SNX9: variants seen among roughly 807,000 people sequenced by gnomAD.
The protein encoded by SNX9 is sorting nexin 9, also known as sorting nexin-9.
SNX9 carries 44 observed loss-of-function variants against 89.4 expected under a neutral mutation model. That is an observed-to-expected ratio of 0.49 (90% confidence interval 0.39 to 0.63). The LOEUF (loss-of-function observed/expected upper bound fraction) is 0.63, where lower values mean the gene tolerates loss of function less well. SNX9 is among the 30% of genes least tolerant of loss of function. The probability of loss-of-function intolerance (pLI) is 0.00; values close to 1 mark genes in which losing one functional copy is unlikely to be tolerated. For synonymous variants in SNX9, 236 were observed against 247.8 expected, an observed-to-expected ratio of 0.95 and a Z score of 0.45; for missense variants, 578 against 736.1, an observed-to-expected ratio of 0.79 and a Z score of 2.49.
At position 157,901,933 on chromosome 6, in the gene SNX9, G is replaced by A. The variant is rs760959192; in HGVS notation, c.508G>A (p.Asp170Asn). The A allele has an allele frequency of 1.2e-6, 2 of 1,612,490 alleles. No homozygotes were observed. Among genetic ancestry groups the A allele is most frequent in the Middle Eastern group, 1.7e-4 (1 of 6,058 alleles). Reference protein sequence around the residue: ...GDDDDWDEDWDGPKSSSYFKD... With the variant: ...GDDDDWDEDWNGPKSSSYFKD... Reference sequence around the variant, plus strand: ...TGATGATGACTGGGATGAAGACTGGGATGGGCCCAAATCCTCTTCCTACTT... The same window carrying A: ...TGATGATGACTGGGATGAAGACTGGAATGGGCCCAAATCCTCTTCCTACTT... Residue 170 changes from aspartate (D) to asparagine (N), a missense_variant, in exon 6 of 18, where the codon GAT becomes AAT. Physicochemically the swap from Asp to Asn is conservative, Grantham distance 23. Coordinates refer to ENST00000392185, the MANE Select transcript of SNX9 (RefSeq NM_016224.5).
rs1156313596 is a variant in SNX9, at chr6:157,823,293, G to T, written c.-142G>T. 6 of 619,022 alleles carry T rather than the reference G, an allele frequency of 9.7e-6. No individual in the cohort carries two copies. The highest frequency in any genetic ancestry group is 6.5e-6 in the Non-Finnish European group (3 of 459,994). The allele number at this position is 619,022 out of a possible 1,614,324, so 38.3% of individuals were successfully genotyped here. ...GCTGGGCCTGAGCGTCGAGACTCGG[G>T]GCCGAGGCGGAGGAGCGGCCGCCGC... On this transcript the variant is annotated 5_prime_UTR_variant, in exon 1 of 18. Coordinates refer to ENST00000392185, the MANE Select transcript of SNX9 (RefSeq NM_016224.5). This position sits in a 1 kb window ranked among gnomAD's most constrained non-coding sequence, Gnocchi z 4.6.
chr6:157,899,733 C>T (rs988084210), intron 5 of SNX9, among the ~76,000 whole-genome samples: 12 of 152,010 alleles, frequency 7.9e-5, no homozygotes, highest in African/African-American at 2.2e-4. Flanking sequence ...AAGATTGCGC[C>T]ACTGCACTCC....
intron 1 of SNX9, among the ~76,000 whole-genome samples, chr6:157,844,452 G>A (rs1781760516): frequency 1.3e-5 from 2 of 151,020 alleles, no homozygotes; most frequent in Non-Finnish European, 2.9e-5. Context: ...GGTGGTGCCA[G>A]CTGATCCATC....
At chr6:157,889,391 A>G in intron 4 of SNX9, among the ~76,000 whole-genome samples, 1 of 146,912 alleles carries the variant, frequency 6.8e-6, no homozygotes, top group Non-Finnish European at 1.5e-5. Flanking sequence ...AGATCACACC[A>G]CTGTACTCCA....
At chr6:157,928,788 T>C (rs1783748721) in intron 12 of SNX9, 86 bp downstream of exon 12, 1 of 1,022,758 alleles carries the variant, frequency 9.8e-7, no homozygotes, top group Admixed American at 3.3e-5. Context: ...GGGAACCTGC[T>C]GCCTCGAACA....
chr6:157,866,136 G>T (rs1014887567), intron 1 of SNX9, among the ~76,000 whole-genome samples: 4 of 152,186 alleles, frequency 2.6e-5, no homozygotes, highest in Non-Finnish European at 5.9e-5. Flanking sequence ...TTACCACGGT[G>T]ATTCTCTCTT....
At chr6:157,915,640 A>AAAATATATATATATAT (rs1472422303) in intron 9 of SNX9, among the ~76,000 whole-genome samples, 163 of 94,878 alleles carry the variant, frequency 1.7e-3, no homozygotes, top group African/African-American at 4.5e-3. Context: ...AAAAAAAAAA[A>AAAATATATATATATAT]ATATATATAT....
At chr6:157,853,428 CTTTGTGGTT>C (rs1404498555) in intron 1 of SNX9, among the ~76,000 whole-genome samples, 1 of 151,898 alleles carries the variant, frequency 6.6e-6, no homozygotes, top group Non-Finnish European at 1.5e-5. Flanking sequence ...GTGTGGTTTT[CTTTGTGGTT>C]TTTTTCCTGT....
chr6:157,837,734 C>T (rs1781613833), intron 1 of SNX9, among the ~76,000 whole-genome samples: 1 of 152,194 alleles, frequency 6.6e-6, no homozygotes, highest in African/African-American at 2.4e-5. Flanking sequence ...CATGGGCATG[C>T]TGTCTGTGTT....
rs546525189 is a variant in SNX9 at position 157,928,962 on chromosome 6, T to C, written c.1288+260T>C. 1.2e-4 allele frequency among the ~76,000 whole-genome samples: 18 copies of C among 152,298 alleles called. 1 individual carries two copies. Among genetic ancestry groups the C allele is most frequent in the African/African-American group, 4.1e-4 (17 of 41,558 alleles). ...GTTCCAGTAATTTGGGGCTTTATAA[T>C]CTTTGGAAAATTAATCATTTTTGCA... On this transcript the variant is annotated intron_variant, in intron 12 of 17. Coordinates refer to ENST00000392185, the MANE Select transcript of SNX9 (RefSeq NM_016224.5).
chr6:157,937,586 A>T, intron 15 of SNX9, 63 bp downstream of exon 15: 1 of 1,091,730 alleles, frequency 9.2e-7, no homozygotes, highest in Non-Finnish European at 1.4e-6. Context: ...TGTGCGCAGT[A>T]GTCAGTATTG....
At chr6:157,878,295 G>A (rs559896644) in intron 4 of SNX9, among the ~76,000 whole-genome samples, 1 of 152,316 alleles carries the variant, frequency 6.6e-6, no homozygotes, top group South Asian at 2.1e-4. Flanking sequence ...TTGTCAGTGT[G>A]AAAGGAATAT....
chr6:157,841,563 G>C (rs542759262), intron 1 of SNX9, among the ~76,000 whole-genome samples: 1 of 152,166 alleles, frequency 6.6e-6, no homozygotes, highest in Non-Finnish European at 1.5e-5. Flanking sequence ...CAGCCCATGT[G>C]GGGTGTGGGG....
chr6:157,941,439 A>G (rs1784033859), intron 17 of SNX9, among the ~76,000 whole-genome samples: 1 of 152,236 alleles, frequency 6.6e-6, no homozygotes, highest in Non-Finnish European at 1.5e-5. Flanking sequence ...AGAGAAAACC[A>G]AAAAAGCGAG....
At chr6:157,926,240 G>A (rs1055308450) in intron 10 of SNX9, among the ~76,000 whole-genome samples, 4 of 152,166 alleles carry the variant, frequency 2.6e-5, no homozygotes, top group African/African-American at 9.7e-5. Flanking sequence ...AGTGTTTGGG[G>A]AAAGGACAAT....
At chr6:157,828,732 C>T (rs113205294) in intron 1 of SNX9, among the ~76,000 whole-genome samples, 10 of 152,220 alleles carry the variant, frequency 6.6e-5, no homozygotes, top group African/African-American at 1.4e-4. Flanking sequence ...TCCTCAGCCC[C>T]GCAAAGTATT....
At position 157,892,475 on chromosome 6, in the gene SNX9, GA is replaced by G. The variant is rs983881317; in HGVS notation, c.301-4341del. Among the ~76,000 whole-genome samples, 21 of 141,976 alleles carry G rather than the reference GA, an allele frequency of 1.5e-4. No homozygotes were observed. The East Asian group carries it at 1.6e-3, about 11-fold the overall frequency. The allele number at this position is 141,976 out of a possible 152,430, so 93.1% of individuals were successfully genotyped here. On this transcript the variant is annotated intron_variant, in intron 4 of 17. Coordinates refer to ENST00000392185, the MANE Select transcript of SNX9 (RefSeq NM_016224.5). ...AAACAAGATAAAGAGAGCGTTCCAG[GA>G]AAAAAAAAAACAAAACCAAAGAGAT...
chr6:157,889,430 CAA>C (rs56303673), intron 4 of SNX9, among the ~76,000 whole-genome samples: 12 of 58,486 alleles, frequency 2.1e-4, no homozygotes, highest in African/African-American at 2.0e-4. Context: ...GACCCTGTCT[CAA>C]AAAAAAAAAA....
At chr6:157,892,340 TA>T (rs1329076910) in intron 4 of SNX9, among the ~76,000 whole-genome samples, 1 of 151,892 alleles carries the variant, frequency 6.6e-6, no homozygotes, top group Admixed American at 6.6e-5. Context: ...GCCAGGGCAG[TA>T]AAAGGCCATC....
Sources: allele counts gnomAD v4.1 joint callset (sites outside exome capture counted in the v4.1 genomes callset), GRCh38; gene constraint gnomAD v4.1.1; non-coding constraint Gnocchi (gnomAD v3.1); transcripts MANE v1.5; gene names NCBI Gene and HGNC (gene_info 2026-07-23, HGNC 2026-07-21).